Variants in DNAH11 observed in about 807,000 individuals in gnomAD.
DNAH11 encodes axonemal beta dynein heavy chain 11.
A neutral mutation model predicts 526.0 loss-of-function variants in DNAH11; 442 were observed. The observed-to-expected ratio is 0.84, with a 90% CI of 0.78 to 0.91. DNAH11 has a LOEUF of 0.91. DNAH11 is among the 40% of genes least tolerant of loss of function. The pLI, the probability that DNAH11 is intolerant of heterozygous loss-of-function variation, is 0.00. For missense variants in DNAH11, 6,989 were observed against 5,448.7 expected, an observed-to-expected ratio of 1.28 and a Z score of -8.90; for synonymous variants, 2,461 against 1,935.9, an observed-to-expected ratio of 1.27 and a Z score of -7.12.
intron 30 of DNAH11, among the ~76,000 whole-genome samples, chr7:21,677,582 A>ACCCCATTGG (rs1782946969): frequency 6.6e-6 from 1 of 152,044 alleles, no homozygotes; most frequent in African/African-American, 2.4e-5. Context: ...ATGGGGTTTC[A>ACCCCATTGG]CCCCATTGGC....
At chr7:21,596,152 T>C (rs1018776564) in intron 14 of DNAH11, among the ~76,000 whole-genome samples, 1 of 152,236 alleles carries the variant, frequency 6.6e-6, no homozygotes, top group African/African-American at 2.4e-5. Context: ...GACAATTTGC[T>C]AGGACAAAGA....
At chr7:21,729,867 T>C (rs2108280) in intron 45 of DNAH11, among the ~76,000 whole-genome samples, 99,033 of 152,128 alleles carry the variant, frequency 0.65, 32,680 homozygotes, top group South Asian at 0.73. Flanking sequence ...TCCACTTTTT[T>C]AGGTATCTGT....
At chr7:21,580,623 C>G (rs1416564298) in intron 8 of DNAH11, among the ~76,000 whole-genome samples, 1 of 152,194 alleles carries the variant, frequency 6.6e-6, no homozygotes, top group Non-Finnish European at 1.5e-5. Context: ...AGGGCTACAT[C>G]CCAGTTCACA....
intron 53 of DNAH11, 148 bp downstream of exon 53, chr7:21,749,949 T>G: frequency 7.8e-7 from 1 of 1,284,036 alleles, no homozygotes; most frequent in Non-Finnish European, 1.1e-6. Context: ...TAATTTGAGG[T>G]GTATTGCTTT....
At chr7:21,785,924 G>A (rs1418149354) in intron 58 of DNAH11, among the ~76,000 whole-genome samples, 1 of 152,130 alleles carries the variant, frequency 6.6e-6, no homozygotes, top group African/African-American at 2.4e-5. Flanking sequence ...GGAAATACCT[G>A]GTTGGTTGTT....
intron 61 of DNAH11, among the ~76,000 whole-genome samples, chr7:21,791,682 T>G (rs1015438799): frequency 6.6e-6 from 1 of 152,248 alleles, no homozygotes; most frequent in African/African-American, 2.4e-5. Context: ...CATTCCCACC[T>G]ATGATTCCTG....
intron 44 of DNAH11, among the ~76,000 whole-genome samples, chr7:21,724,838 A>G (rs1466674255): frequency 1.5e-5 from 2 of 135,932 alleles, no homozygotes; most frequent in African/African-American, 5.3e-5. Flanking sequence ...CATCATGTGG[A>G]TATGGCAGTG....
rs546195334 is a variant in DNAH11 at position 21,868,810 on chromosome 7, C to T, written c.11840-54C>T. The T allele has an allele frequency of 6.5e-5, 105 of 1,605,346 alleles. 1 individual carries two copies. In the African/African-American group the frequency reaches 1.3e-3, roughly 20 times the overall value. ...GCATTAGACCACAGAATTCCAGGCT[C>T]CTCTCACCCTCCTTCATAGACATTT... On this transcript the variant is annotated intron_variant, in intron 72 of 81. Transcript: ENST00000409508.
intron 63 of DNAH11, among the ~76,000 whole-genome samples, chr7:21,815,663 A>G (rs1159804749): frequency 1.3e-5 from 2 of 152,116 alleles, no homozygotes; most frequent in African/African-American, 4.8e-5. Context: ...CATCCTGCAC[A>G]TTTTGGTGTC....
At chr7:21,813,342 T>C (rs577217884) in intron 63 of DNAH11, among the ~76,000 whole-genome samples, 1 of 152,160 alleles carries the variant, frequency 6.6e-6, no homozygotes, top group Non-Finnish European at 1.5e-5. Context: ...TAATTAGTTA[T>C]TACAAGCACT....
intron 76 of DNAH11, among the ~76,000 whole-genome samples, chr7:21,887,933 C>G (rs62445890): frequency 0.12 from 18,152 of 152,170 alleles, 1,157 homozygotes; most frequent in South Asian, 0.15. Flanking sequence ...TTTCTCTGCA[C>G]CATACTGCCC....
chr7:21,894,944 G>T lies in DNAH11; in HGVS notation c.12994G>T (p.Val4332Leu). 1 of 1,613,966 alleles carries T rather than the reference G, an allele frequency of 6.2e-7. No individual in the cohort carries two copies. The highest frequency in any genetic ancestry group is 8.5e-7 in the Non-Finnish European group (1 of 1,179,894). The change falls in exon 79 of 82, where the codon GTA (valine) becomes TTA (leucine). Residue 4332 changes from valine to leucine, a missense_variant. By Grantham distance (32) the Val-to-Leu change is conservative. Transcript: ENST00000409508. ...AQQFALSYDTVPDTWSKLAYP... is the reference protein window; with the variant it reads ...AQQFALSYDTLPDTWSKLAYP... The stretch of plus-strand genomic sequence containing the variant: ...GCAGTTTGCATTGAGTTATGACACG[G>T]TACCAGACACTTGGAGCAAACTGGC...
chr7:21,826,619 C>G (rs1202394144), intron 65 of DNAH11, among the ~76,000 whole-genome samples: 20 of 151,366 alleles, frequency 1.3e-4, no homozygotes, highest in Admixed American at 2.0e-4. Flanking sequence ...TCCTATGTGA[C>G]TATCTCTGTG....
intron 55 of DNAH11, among the ~76,000 whole-genome samples, chr7:21,769,807 C>T (rs1030991016): frequency 3.3e-5 from 5 of 152,064 alleles, no homozygotes; most frequent in African/African-American, 1.2e-4. Flanking sequence ...TCCTCCACTC[C>T]TCCTGAGTCT....
intron 30 of DNAH11, among the ~76,000 whole-genome samples, chr7:21,680,351 T>C (rs1783088579): frequency 6.6e-6 from 1 of 152,210 alleles, no homozygotes; most frequent in Non-Finnish European, 1.5e-5. Context: ...GGGGATGGTA[T>C]TGTTTCACAG....
chr7:21,693,297 C>CG (rs1783706943), intron 35 of DNAH11, among the ~76,000 whole-genome samples: 2 of 152,152 alleles, frequency 1.3e-5, no homozygotes, highest in Admixed American at 1.3e-4. Flanking sequence ...AACAGTCCTT[C>CG]GGTGTTGCAT....
chr7:21,860,368 T>C (rs557667603), intron 68 of DNAH11, among the ~76,000 whole-genome samples: 5 of 151,886 alleles, frequency 3.3e-5, no homozygotes, highest in African/African-American at 1.2e-4. Flanking sequence ...GCACAGCCAC[T>C]ATGGAAAACA....
rs953171284 is a variant in DNAH11, at chr7:21,822,692, A to G, written c.10691+4353A>G. Among the ~76,000 whole-genome samples, 8 of 152,188 alleles carry G rather than the reference A, an allele frequency of 5.3e-5. No homozygotes were observed. The East Asian group carries it at 1.3e-3, about 26-fold the overall frequency. On this transcript the variant is annotated intron_variant, in intron 65 of 81. Coordinates refer to ENST00000409508, the MANE Select transcript of DNAH11 (RefSeq NM_001277115.2). Reference sequence around the variant, plus strand: ...TGTGGCATGACCATGAGGAATCTCTATACTGTTTTCCATAGTGGCTATACT... The same window carrying G: ...TGTGGCATGACCATGAGGAATCTCTGTACTGTTTTCCATAGTGGCTATACT...
intron 54 of DNAH11, among the ~76,000 whole-genome samples, chr7:21,757,684 G>A (rs1168103319): frequency 6.6e-6 from 1 of 152,134 alleles, no homozygotes; most frequent in Non-Finnish European, 1.5e-5. Context: ...CACAGCTAAA[G>A]TCTGGCGACA....
Sources: allele counts gnomAD v4.1 joint callset (sites outside exome capture counted in the v4.1 genomes callset), GRCh38; gene constraint gnomAD v4.1.1; transcripts MANE v1.5; gene names NCBI Gene and HGNC (gene_info 2026-07-23, HGNC 2026-07-21).